Variants in EMC7 observed in about 807,000 individuals in gnomAD.
EMC7 encodes ER membrane protein complex subunit 7.
EMC7 carries 4 observed loss-of-function variants against 24.4 expected under a neutral mutation model. The observed-to-expected ratio is 0.16, with a 90% confidence interval of 0.08 to 0.38. The LOEUF is 0.38. EMC7 is among the 10% of genes least tolerant of loss of function. The pLI is 1.00. For synonymous variants in EMC7, 106 were observed against 112.0 expected (o/e 0.95, Z 0.34); for missense variants, 221 against 300.6 (o/e 0.74, Z 1.96).
At chr15:34,096,042 A>G (rs757994614) in intron 1 of EMC7, 28 bp from the exon 2 acceptor site, 3 of 1,503,710 alleles carry the variant, frequency 2.0e-6, no homozygotes, top group Non-Finnish European at 1.8e-6. Flanking sequence ...ATGTTTAGCT[A>G]CTACTGATCA....
chr15:34,090,608 C>T (rs1038703261), intron 2 of EMC7, among the ~76,000 whole-genome samples, 153 bp from the exon 3 acceptor site: 1 of 152,132 alleles, frequency 6.6e-6, no homozygotes, highest in Non-Finnish European at 1.5e-5. Context: ...GAAAATCTGA[C>T]CAAAATAGCT....
chr15:34,091,662 C>G (rs887837728), intron 2 of EMC7, among the ~76,000 whole-genome samples: 1 of 152,074 alleles, frequency 6.6e-6, no homozygotes, highest in African/African-American at 2.4e-5. Context: ...ATTTTAGTAC[C>G]AAAGGTCAAA....
intron 3 of EMC7, 51 bp from the exon 4 acceptor site, chr15:34,088,184 T>C (rs1273353158): frequency 3.3e-6 from 5 of 1,508,340 alleles, no homozygotes; most frequent in South Asian, 1.2e-5. Flanking sequence ...TTACAGTTAA[T>C]AGAACAAAAA....
intron 1 of EMC7, among the ~76,000 whole-genome samples, chr15:34,097,545 T>C (rs1246949830): frequency 1.3e-5 from 2 of 152,104 alleles, no homozygotes; most frequent in Non-Finnish European, 2.9e-5. Flanking sequence ...CAGATCAAAA[T>C]TAATTTGTTT....
At chr15:34,091,349 C>A (rs2140868976) in intron 2 of EMC7, among the ~76,000 whole-genome samples, 1 of 152,236 alleles carries the variant, frequency 6.6e-6, no homozygotes, top group Non-Finnish European at 1.5e-5. Flanking sequence ...TCAATGTAGA[C>A]TGTTTTCTTG....
At chr15:34,099,219 A>G (rs1901136964) in intron 1 of EMC7, among the ~76,000 whole-genome samples, 2 of 152,184 alleles carry the variant, frequency 1.3e-5, no homozygotes, top group Admixed American at 1.3e-4. Context: ...AATGAGGTAC[A>G]CAAAAGACAT....
chr15:34,086,178 C>G (rs979148696), intron 4 of EMC7: 1 of 401,688 alleles, frequency 2.5e-6, no homozygotes, highest in Non-Finnish European at 4.8e-6. Flanking sequence ...GAATCTTCTA[C>G]GAACACTGTT....
intron 4 of EMC7, among the ~76,000 whole-genome samples, chr15:34,084,908 C>T (rs538455822): frequency 6.6e-6 from 1 of 151,922 alleles, no homozygotes; most frequent in Admixed American, 6.6e-5. Flanking sequence ...CCCCCCACCC[C>T]ACAACAGGCC....
chr15:34,091,570 G>C (rs1047055642), intron 2 of EMC7, among the ~76,000 whole-genome samples: 1 of 152,078 alleles, frequency 6.6e-6, no homozygotes, highest in African/African-American at 2.4e-5. Context: ...GTGTAGGAGC[G>C]TAACTATCAG....
At chr15:34,099,047 ATGGGAC>A in intron 1 of EMC7, among the ~76,000 whole-genome samples, 1 of 152,308 alleles carries the variant, frequency 6.6e-6, no homozygotes, top group South Asian at 2.1e-4. Context: ...AAACATAAAA[ATGGGAC>A]TGTTAGATGA....
At chr15:34,086,028 C>T (rs763556114) in intron 4 of EMC7, 37 of 295,964 alleles carry the variant, frequency 1.3e-4, no homozygotes, top group African/African-American at 7.4e-4. Flanking sequence ...AATCTCAGCA[C>T]GGTAACATTT....
At chr15:34,097,845 T>G (rs1901102356) in intron 1 of EMC7, among the ~76,000 whole-genome samples, 1 of 151,936 alleles carries the variant, frequency 6.6e-6, no homozygotes, top group Non-Finnish European at 1.5e-5. Context: ...GGCATGCGCG[T>G]GTAGTCCCAG....
intron 2 of EMC7, among the ~76,000 whole-genome samples, chr15:34,093,782 T>TACACACACACAC (rs143551689): frequency 0.069 from 1,536 of 22,318 alleles, 123 homozygotes; most frequent in East Asian, 0.23. Context: ...CATATATGTA[T>TACACACACACAC]ACACACACAC....
intron 1 of EMC7, among the ~76,000 whole-genome samples, chr15:34,101,351 G>T (rs748482960): frequency 5.3e-5 from 8 of 152,138 alleles, no homozygotes; most frequent in Non-Finnish European, 7.4e-5. Context: ...CCAAAATAAG[G>T]TTGGAAATAA....
At chr15:34,089,599 T>C (rs1238484010) in intron 3 of EMC7, among the ~76,000 whole-genome samples, 1 of 152,250 alleles carries the variant, frequency 6.6e-6, no homozygotes, top group Non-Finnish European at 1.5e-5. Context: ...AAGAAATCCT[T>C]ACTTGTGCTA....
chr15:34,087,904 C>A (rs912422692), intron 4 of EMC7, 149 bp downstream of exon 4: 22 of 664,020 alleles, frequency 3.3e-5, no homozygotes, highest in East Asian at 2.5e-4. Context: ...ACCTATAATC[C>A]CAGTGCTTTG....
At chr15:34,101,182 C>T (rs1446184953) in intron 1 of EMC7, among the ~76,000 whole-genome samples, 3 of 152,074 alleles carry the variant, frequency 2.0e-5, no homozygotes, top group East Asian at 1.9e-4. Flanking sequence ...CCACTTGTGT[C>T]GCATCTTTCT....
In EMC7 at chr15:34,084,160, G is replaced by A; in HGVS notation, c.*174C>T. On this transcript the variant is annotated 3_prime_UTR_variant, in exon 5 of 5. Coordinates refer to ENST00000256545, the MANE Select transcript of EMC7 (RefSeq NM_020154.3). ...TCATACAGACAAAAGATGAAAGCTG[G>A]GTTTTCTCGTGTACCAAGTACAAAA... The A allele has an allele frequency of 1.4e-6, 1 of 700,742 alleles. No homozygotes were observed. Among genetic ancestry groups the A allele is most frequent in the Non-Finnish European group, 2.2e-6 (1 of 448,672 alleles). 43.4% of individuals were successfully genotyped at this position (700,742 alleles called of 1,614,324 possible). A position where few individuals can be genotyped will look rare whatever the true frequency, so the allele number is the denominator to read the frequency against.
intron 2 of EMC7, 131 bp from the exon 3 acceptor site, chr15:34,090,586 A>G: frequency 9.8e-7 from 1 of 1,025,616 alleles, no homozygotes; most frequent in Non-Finnish European, 1.3e-6. Context: ...TAAAACCTAA[A>G]CTTTTGATCT....
Sources: allele counts gnomAD v4.1 joint callset (sites outside exome capture counted in the v4.1 genomes callset), GRCh38; gene constraint gnomAD v4.1.1; transcripts MANE v1.5; gene names NCBI Gene and HGNC (gene_info 2026-07-23, HGNC 2026-07-21).